PDE11A: variants seen among roughly 807,000 people sequenced by gnomAD.
The protein encoded by PDE11A is phosphodiesterase 11A.
In PDE11A, 100 loss-of-function variants were observed where a neutral mutation model predicts 100.5. That is an observed-to-expected ratio of 1.00 (90% confidence interval 0.85 to 1.18). The LOEUF is 1.18. Among genes scored for constraint, PDE11A ranks in the 50% most tolerant of loss-of-function variants. PDE11A has a pLI of 0.00. For missense variants in PDE11A, 1,141 were observed against 1,152.6 expected, an observed-to-expected ratio of 0.99 and a Z score of 0.15; for synonymous variants, 381 against 420.8, an observed-to-expected ratio of 0.91 and a Z score of 1.16.
chr2:178,103,351 G>T (rs2087582793), intron 2 of PDE11A, among the ~76,000 whole-genome samples: 1 of 152,130 alleles, frequency 6.6e-6, no homozygotes, highest in Non-Finnish European at 1.5e-5. Context: ...GTGGTTGCCA[G>T]GGAATAGGGT....
At chr2:177,817,729 C>T (rs572762431) in intron 8 of PDE11A, 129 bp downstream of exon 8, 21 of 643,828 alleles carry the variant, frequency 3.3e-5, no homozygotes, top group South Asian at 3.1e-4. Context: ...CTTAAATCTT[C>T]CTGTTAATTT....
At chr2:177,915,131 C>T (rs1251911450) in intron 2 of PDE11A, among the ~76,000 whole-genome samples, 1 of 152,112 alleles carries the variant, frequency 6.6e-6, no homozygotes, top group Non-Finnish European at 1.5e-5. Flanking sequence ...ACAGTTTCCC[C>T]TATTATTAAC....
chr2:177,857,912 G>T (rs901485103), intron 5 of PDE11A, among the ~76,000 whole-genome samples: 2 of 151,634 alleles, frequency 1.3e-5, no homozygotes, highest in East Asian at 1.9e-4. Context: ...AGATAAAACA[G>T]TTTTTTTTAA....
chr2:177,697,353 G>T lies in PDE11A; in HGVS notation c.2324C>A (p.Thr775Lys). ...CTACTCAAAGTACAGCGTGAGGTCT[G>T]TTGCCAATATTGACTGCTTCAAAAG... ...MQLLKQSILA[T>K]DLTLYFERRT... Residue 775 changes from threonine (T) to lysine (K), a missense_variant, in exon 15 of 20, where the codon ACA becomes AAA. Transcript: ENST00000286063. The T allele has an allele frequency of 6.3e-7, 1 of 1,579,148 alleles. No homozygotes were observed. Among genetic ancestry groups the T allele is most frequent in the Non-Finnish European group, 8.7e-7 (1 of 1,148,318 alleles).
chr2:177,925,573 GTTGT>G (rs1407030656), intron 2 of PDE11A, among the ~76,000 whole-genome samples: 5 of 152,236 alleles, frequency 3.3e-5, no homozygotes, highest in African/African-American at 7.2e-5. Flanking sequence ...TTTTCATGGG[GTTGT>G]TTGTTTTTTT....
At chr2:178,015,036 T>C (rs920714218) in intron 1 of PDE11A, among the ~76,000 whole-genome samples, 2 of 152,236 alleles carry the variant, frequency 1.3e-5, no homozygotes, top group Non-Finnish European at 2.9e-5. Flanking sequence ...TATATAATTA[T>C]GTTTACAAGC....
At chr2:178,031,710 C>G (rs2086550141) in intron 1 of PDE11A, among the ~76,000 whole-genome samples, 2 of 152,148 alleles carry the variant, frequency 1.3e-5, no homozygotes, top group Non-Finnish European at 2.9e-5. Flanking sequence ...GGAAGACTGA[C>G]TCTCATACAT....
chr2:177,827,356 C>A (rs188313302), intron 6 of PDE11A, among the ~76,000 whole-genome samples: 1 of 152,200 alleles, frequency 6.6e-6, no homozygotes, highest in Non-Finnish European at 1.5e-5. Context: ...GGATTTCCCA[C>A]GTCTCCTGAA....
At chr2:177,983,291 G>A (rs1279583822) in intron 2 of PDE11A, among the ~76,000 whole-genome samples, 1 of 152,022 alleles carries the variant, frequency 6.6e-6, no homozygotes, top group East Asian at 1.9e-4. Context: ...ACGTGCTAGG[G>A]ATGCACTTCT....
intron 18 of PDE11A, among the ~76,000 whole-genome samples, chr2:177,668,053 T>G (rs773420644): frequency 6.6e-6 from 1 of 152,184 alleles, no homozygotes; most frequent in Non-Finnish European, 1.5e-5. Flanking sequence ...CCTGAGGAGA[T>G]GGTCATCAGT....
At chr2:178,087,353 C>CAAA (rs1198466173) in intron 2 of PDE11A, among the ~76,000 whole-genome samples, 1 of 82,840 alleles carries the variant, frequency 1.2e-5, no homozygotes, top group Admixed American at 1.3e-4. Flanking sequence ...GACTCCAACT[C>CAAA]AAAAAAAAAA....
At chr2:177,632,143 G>A (rs183541778) in intron 19 of PDE11A, among the ~76,000 whole-genome samples, 2 of 152,284 alleles carry the variant, frequency 1.3e-5, no homozygotes, top group East Asian at 3.9e-4. Context: ...AATCTGCTGA[G>A]GATGTAACAT....
intron 1 of PDE11A, among the ~76,000 whole-genome samples, chr2:178,069,831 G>C (rs1168553748): frequency 2.0e-5 from 3 of 152,174 alleles, no homozygotes; most frequent in Admixed American, 6.5e-5. Context: ...GTTAGGGCCT[G>C]AAAGAGGACG....
chr2:177,880,064 G>A (rs1292167706), intron 4 of PDE11A, among the ~76,000 whole-genome samples: 1 of 152,126 alleles, frequency 6.6e-6, no homozygotes, highest in Non-Finnish European at 1.5e-5. Flanking sequence ...ATGGCTTATG[G>A]TGCCATGATC....
At chr2:178,049,137 T>C (rs1382135860) in intron 1 of PDE11A, among the ~76,000 whole-genome samples, 1 of 152,248 alleles carries the variant, frequency 6.6e-6, no homozygotes, top group Non-Finnish European at 1.5e-5. Context: ...AATATTTGAA[T>C]GTAACCTTAA....
rs13419927 is a variant in PDE11A, at chr2:178,014,279, T to G, written c.1071+23A>C. Reference sequence around the variant, plus strand: ...CAATGACCAAGAAGAAAAGTACAACTCACAAAAGGCATGAAATCTTACTTT... The same window carrying G: ...CAATGACCAAGAAGAAAAGTACAACGCACAAAAGGCATGAAATCTTACTTT... On this transcript the variant is annotated intron_variant, in intron 2 of 19. Transcript: ENST00000286063. 1.9e-3 allele frequency: 2,969 copies of G among 1,581,346 alleles called. 42 individuals carry two copies. The African/African-American group carries it at 0.036, about 19-fold the overall frequency.
chr2:178,075,984 G>A (rs901787882), upstream of PDE11A, among the ~76,000 whole-genome samples: 9 of 152,108 alleles, frequency 5.9e-5, no homozygotes, highest in East Asian at 3.9e-4. Context: ...TAATTCCATC[G>A]AAACTATCTA....
chr2:178,094,002 A>G (rs553419406), intron 2 of PDE11A, among the ~76,000 whole-genome samples: 3 of 152,328 alleles, frequency 2.0e-5, no homozygotes, highest in African/African-American at 4.8e-5. Flanking sequence ...TATCGCTAAT[A>G]TAACTATGCA....
At chr2:177,647,275 C>T (rs2080236154) in intron 19 of PDE11A, among the ~76,000 whole-genome samples, 1 of 152,180 alleles carries the variant, frequency 6.6e-6, no homozygotes, top group African/African-American at 2.4e-5. Context: ...CATTCATTCA[C>T]TGTACATTTT....
Sources: gnomAD v4.1 joint callset for allele counts (sites outside exome capture counted in the v4.1 genomes callset) on GRCh38, gnomAD v4.1.1 for gene constraint, MANE v1.5 for transcripts, NCBI Gene and HGNC (gene_info 2026-07-23, HGNC 2026-07-21) for gene names.